Variants in VTI1A observed in about 807,000 individuals in gnomAD.
VTI1A encodes vesicle transport through interaction with t-SNAREs 1A.
A neutral mutation model predicts 34.9 loss-of-function variants in VTI1A; 22 were observed. The ratio of observed to expected loss-of-function variants is 0.63; its 90% CI spans 0.45 to 0.90. The LOEUF (loss-of-function observed/expected upper bound fraction) is 0.90. Among genes scored for constraint, VTI1A ranks in the 40% least tolerant of loss-of-function variants. The probability of loss-of-function intolerance (pLI) is 0.00; values close to 1 mark genes in which losing one functional copy is unlikely to be tolerated. For synonymous variants in VTI1A, 87 were observed against 97.3 expected (o/e 0.89, Z 0.62); for missense variants, 268 against 275.6 (o/e 0.97, Z 0.20).
At chr10:112,569,247 G>A (rs1315458460) in intron 5 of VTI1A, among the ~76,000 whole-genome samples, 1 of 152,088 alleles carries the variant, frequency 6.6e-6, no homozygotes, top group Non-Finnish European at 1.5e-5. Context: ...TGAGAAGGCG[G>A]ACAACTGTTT....
At chr10:112,492,530 C>T (rs1848864425) in intron 3 of VTI1A, among the ~76,000 whole-genome samples, 1 of 152,194 alleles carries the variant, frequency 6.6e-6, no homozygotes, top group Non-Finnish European at 1.5e-5. Context: ...TGACTCATGC[C>T]TGTAATCCCA....
At chr10:112,590,682 A>C (rs2134431441) in intron 5 of VTI1A, among the ~76,000 whole-genome samples, 1 of 152,238 alleles carries the variant, frequency 6.6e-6, no homozygotes, top group Non-Finnish European at 1.5e-5. Context: ...ACCCTGTCTA[A>C]ACAATAATAA....
At chr10:112,586,278 C>A (rs1378723646) in intron 5 of VTI1A, among the ~76,000 whole-genome samples, 3 of 152,030 alleles carry the variant, frequency 2.0e-5, no homozygotes, top group Non-Finnish European at 4.4e-5. Context: ...TATTCTGGAC[C>A]TTTTGTATTA....
At chr10:112,468,405 T>C (rs1847972490) in intron 3 of VTI1A, among the ~76,000 whole-genome samples, 2 of 152,220 alleles carry the variant, frequency 1.3e-5, no homozygotes, top group African/African-American at 4.8e-5. Flanking sequence ...ATAACTTTCG[T>C]ATGCTGACAT....
At chr10:112,787,241 A>G (rs1198762571) in intron 7 of VTI1A, among the ~76,000 whole-genome samples, 10 of 152,014 alleles carry the variant, frequency 6.6e-5, no homozygotes, top group Admixed American at 6.6e-4. Flanking sequence ...TTAAGTAGTG[A>G]TGTTCTTCTT....
rs1447450954 is a variant in VTI1A at position 112,691,681 on chromosome 10, T to C, written c.560+22683T>C. Among the ~76,000 whole-genome samples, 5 of 152,202 alleles carry C rather than the reference T, an allele frequency of 3.3e-5. No individual in the cohort carries two copies. The East Asian group carries it at 9.6e-4, about 29-fold the overall frequency. ...CAAAACCATCACTCAGCATGTCCAATAGGCCCAATGAAGTCCTGTCCTCTT... is the reference window on the plus strand; with the variant it reads ...CAAAACCATCACTCAGCATGTCCAACAGGCCCAATGAAGTCCTGTCCTCTT... On this transcript the variant is annotated intron_variant, in intron 7 of 7. Coordinates refer to ENST00000393077, the MANE Select transcript of VTI1A (RefSeq NM_145206.4).
chr10:112,817,835 A>T lies in VTI1A; in HGVS notation c.*2452A>T, dbSNP rs1273653217. On this transcript the variant is annotated 3_prime_UTR_variant, in exon 8 of 8. Transcript: ENST00000393077. ...CTCAAGTTGGGAGCCCTTGTTAAAA[A>T]TGATGTTTAAGGGAGTGGTTGGGGG... 1 of 232,806 alleles carries T rather than the reference A, an allele frequency of 4.3e-6. No individual in the cohort carries two copies. 14.4% of individuals were successfully genotyped at this position (232,806 alleles called of 1,614,324 possible). A position where few individuals can be genotyped will look rare whatever the true frequency, so the allele number is the denominator to read the frequency against.
At chr10:112,459,547 C>T (rs1050548279) in intron 1 of VTI1A, among the ~76,000 whole-genome samples, 1 of 152,130 alleles carries the variant, frequency 6.6e-6, no homozygotes, top group Non-Finnish European at 1.5e-5. Flanking sequence ...GAAGCAGAGT[C>T]TTTATGGAGA....
chr10:112,625,640 CAA>C (rs766419906), intron 5 of VTI1A, among the ~76,000 whole-genome samples: 4 of 82,586 alleles, frequency 4.8e-5, no homozygotes, highest in Admixed American at 1.5e-4. Flanking sequence ...AACTCTGTCT[CAA>C]AAAAAAAAAA....
At chr10:112,665,175 C>T (rs1280865783) in intron 5 of VTI1A, among the ~76,000 whole-genome samples, 3 of 151,854 alleles carry the variant, frequency 2.0e-5, no homozygotes, top group South Asian at 4.1e-4. Context: ...AAAAATAAAC[C>T]TAACGATGTT....
At chr10:112,598,325 G>C (rs1844747860) in intron 5 of VTI1A, among the ~76,000 whole-genome samples, 2 of 152,130 alleles carry the variant, frequency 1.3e-5, no homozygotes, top group Non-Finnish European at 1.5e-5. Flanking sequence ...ACCATTTATT[G>C]AAAGACCTCT....
chr10:112,766,928 G>A (rs183605087), intron 7 of VTI1A, among the ~76,000 whole-genome samples: 347 of 152,334 alleles, frequency 2.3e-3, no homozygotes, highest in Non-Finnish European at 4.2e-3. Flanking sequence ...AATAAGATCC[G>A]TGCCAATTGT....
At chr10:112,771,262 A>G (rs902264362) in intron 7 of VTI1A, among the ~76,000 whole-genome samples, 2 of 152,220 alleles carry the variant, frequency 1.3e-5, no homozygotes, top group African/African-American at 4.8e-5. Context: ...ACTAAATGAG[A>G]TCATTTCTGT....
chr10:112,590,068 A>G (rs1280668535), intron 5 of VTI1A, among the ~76,000 whole-genome samples: 1 of 152,178 alleles, frequency 6.6e-6, no homozygotes, highest in Non-Finnish European at 1.5e-5. Flanking sequence ...TGTACTCAGA[A>G]GATGAACTCA....
At chr10:112,759,034 G>A (rs536476210) in intron 7 of VTI1A, among the ~76,000 whole-genome samples, 2 of 152,172 alleles carry the variant, frequency 1.3e-5, no homozygotes, top group African/African-American at 4.8e-5. Context: ...TCAGAGATGA[G>A]TCTCCTGCCC....
chr10:112,578,792 A>C (rs951531814), intron 5 of VTI1A, among the ~76,000 whole-genome samples: 8 of 152,212 alleles, frequency 5.3e-5, no homozygotes, highest in African/African-American at 1.9e-4. Context: ...TATAATTACC[A>C]TATTGCATGA....
intron 4 of VTI1A, among the ~76,000 whole-genome samples, chr10:112,529,262 T>A (rs1413045800): frequency 2.0e-5 from 3 of 152,172 alleles, no homozygotes; most frequent in Non-Finnish European, 2.9e-5. Context: ...CTGAACGTTT[T>A]GGATATTTCG....
At chr10:112,782,922 G>A (rs181455399) in intron 7 of VTI1A, among the ~76,000 whole-genome samples, 5 of 152,208 alleles carry the variant, frequency 3.3e-5, no homozygotes, top group African/African-American at 7.2e-5. Flanking sequence ...TGTAGTGTTC[G>A]TGGAACTGGT....
the VTI1A span, among the ~76,000 whole-genome samples, chr10:112,829,568 C>T: frequency 1.3e-5 from 2 of 151,974 alleles, no homozygotes; most frequent in Non-Finnish European, 2.9e-5. Flanking sequence ...CTAGCCAACA[C>T]GGTGAAATCC....
Sources: gnomAD v4.1 joint callset for allele counts (sites outside exome capture counted in the v4.1 genomes callset) on GRCh38, gnomAD v4.1.1 for gene constraint, MANE v1.5 for transcripts, NCBI Gene and HGNC (gene_info 2026-07-23, HGNC 2026-07-21) for gene names.